DCX: variants seen among roughly 807,000 people sequenced by gnomAD.
DCX encodes doublecortin.
Under a neutral mutation model 20.9 loss-of-function variants are expected in DCX, and 4 were observed. The ratio of observed to expected loss-of-function variants is 0.19; its 90% CI spans 0.09 to 0.44. DCX has a LOEUF of 0.44. Among genes scored for constraint, DCX ranks in the 20% least tolerant of loss-of-function variants. The pLI, the probability that DCX is intolerant of heterozygous loss-of-function variation, is 0.99. For missense variants in DCX, 133 were observed against 296.9 expected (o/e 0.45, Z 4.06); for synonymous variants, 103 against 111.4 (o/e 0.92, Z 0.47).
At chrX:111,313,199 G>A (rs1484086345) in intron 5 of DCX, among the ~76,000 whole-genome samples, 1 of 110,693 alleles carries the variant, frequency 9.0e-6, no homozygotes, top group Non-Finnish European at 1.9e-5. Flanking sequence ...CAGATGATGG[G>A]GTAGGTGAAA....
chrX:111,396,050 T>C (rs1446875611), intron 3 of DCX, among the ~76,000 whole-genome samples: 1 of 112,735 alleles, frequency 8.9e-6, no homozygotes, highest in African/African-American at 3.2e-5. Context: ...GCAATTGCCT[T>C]TGTGCTTACA....
chrX:111,367,172 G>A (rs959147370), intron 3 of DCX, among the ~76,000 whole-genome samples: 12 of 111,724 alleles, frequency 1.1e-4, no homozygotes, highest in African/African-American at 3.9e-4. Context: ...TGTCTCTCTG[G>A]TTCTTTACTC....
At chrX:111,362,961 C>T (rs1340846825) in intron 3 of DCX, among the ~76,000 whole-genome samples, 1 of 112,121 alleles carries the variant, frequency 8.9e-6, no homozygotes, top group Admixed American at 9.5e-5. Flanking sequence ...CTCCTGTTCT[C>T]ATGTTGTTTA....
intron 6 of DCX, among the ~76,000 whole-genome samples, chrX:111,308,208 A>G (rs2095049826): frequency 8.9e-6 from 1 of 112,093 alleles, no homozygotes; most frequent in African/African-American, 3.2e-5. Context: ...ATTCCCTTGG[A>G]GCCCTACAGA....
At chrX:111,329,223 T>C (rs1053603700) in intron 5 of DCX, among the ~76,000 whole-genome samples, 3 of 112,259 alleles carry the variant, frequency 2.7e-5, no homozygotes, top group Non-Finnish European at 5.6e-5. Flanking sequence ...AGATATAGAT[T>C]TATGTGCTCT....
chrX:111,392,739 T>C (rs1321384998), intron 3 of DCX, among the ~76,000 whole-genome samples: 2 of 111,866 alleles, frequency 1.8e-5, no homozygotes, highest in African/African-American at 3.2e-5. Context: ...ATTAAAATCA[T>C]TGAACTGTAC....
intron 6 of DCX, among the ~76,000 whole-genome samples, chrX:111,310,936 T>G (rs2095056501): frequency 8.9e-6 from 1 of 112,287 alleles, no homozygotes; most frequent in Admixed American, 9.4e-5. Context: ...GTTGAAAAAC[T>G]GAATAACTTG....
intron 5 of DCX, among the ~76,000 whole-genome samples, chrX:111,326,118 C>G (rs190896203): frequency 9.0e-6 from 1 of 111,359 alleles, no homozygotes; most frequent in Middle Eastern, 4.2e-3. Context: ...AATTTGGGAA[C>G]GGAAAAGATC....
chrX:111,376,855 G>C (rs781715717), intron 3 of DCX, among the ~76,000 whole-genome samples: 4 of 112,040 alleles, frequency 3.6e-5, no homozygotes, highest in African/African-American at 1.3e-4. Flanking sequence ...TCATTATCAA[G>C]TGCATTGCAT....
chrX:111,339,234 T>A (rs892552437), intron 3 of DCX, among the ~76,000 whole-genome samples: 3 of 111,789 alleles, frequency 2.7e-5, no homozygotes, highest in Non-Finnish European at 5.6e-5. Context: ...ACTGCTATGG[T>A]TTCAATGTTT....
chrX:111,323,399 G>C (rs1427561654), intron 5 of DCX, among the ~76,000 whole-genome samples: 1 of 111,138 alleles, frequency 9.0e-6, no homozygotes, highest in Non-Finnish European at 1.9e-5. Flanking sequence ...ACATAGAAAA[G>C]AGTTCAATAA....
chrX:111,356,349 T>C (rs1326666440), intron 3 of DCX, among the ~76,000 whole-genome samples: 1 of 112,610 alleles, frequency 8.9e-6, no homozygotes, highest in African/African-American at 3.2e-5. Flanking sequence ...TGTCATTGAG[T>C]TCTTATTCAA....
chrX:111,293,940 C>G lies in DCX; in HGVS notation c.*7747G>C, dbSNP rs979160407. The G allele has an allele frequency of 1.8e-5, 2 of 112,534 alleles. No individual in the cohort carries two copies. Among genetic ancestry groups the G allele is most frequent in the African/African-American group, 6.5e-5 (2 of 30,869 alleles). The allele number at this position is 112,534 out of a possible 1,213,427, so 9.3% of individuals were successfully genotyped here. A position where few individuals can be genotyped will look rare whatever the true frequency, so the allele number is the denominator to read the frequency against. ...GAATGCTGCGAATCTTCAGCACTCACAGTTCACAGCACCTTACACACATGG... is the reference window on the plus strand; with the variant it reads ...GAATGCTGCGAATCTTCAGCACTCAGAGTTCACAGCACCTTACACACATGG... On this transcript the variant is annotated 3_prime_UTR_variant, in exon 7 of 7. Coordinates refer to ENST00000636035, the MANE Select transcript of DCX (RefSeq NM_001195553.2).
At chrX:111,383,680 T>C (rs935871100) in intron 3 of DCX, among the ~76,000 whole-genome samples, 2 of 111,823 alleles carry the variant, frequency 1.8e-5, no homozygotes, top group African/African-American at 6.5e-5. Flanking sequence ...GTTCTGTACC[T>C]TAGTTTATTC....
At chrX:111,411,231 CT>C (rs1388895106) in intron 1 of DCX, 95 of 349,363 alleles carry the variant, frequency 2.7e-4, no homozygotes, top group East Asian at 8.2e-4. Context: ...TCACAAAATC[CT>C]TTTTTTTCCC....
At chrX:111,372,912 T>C (rs766943463) in intron 3 of DCX, among the ~76,000 whole-genome samples, 1 of 111,370 alleles carries the variant, frequency 9.0e-6, no homozygotes, top group South Asian at 3.8e-4. Flanking sequence ...CTGCCAGGGT[T>C]ATTTTAATCA....
chrX:111,353,737 T>C (rs1477057351), intron 3 of DCX, among the ~76,000 whole-genome samples: 1 of 111,798 alleles, frequency 8.9e-6, no homozygotes, highest in Non-Finnish European at 1.9e-5. Flanking sequence ...GTGCTCATGA[T>C]AATTCAGCCA....
intron 3 of DCX, among the ~76,000 whole-genome samples, chrX:111,398,210 G>A (rs1927489022): frequency 9.1e-6 from 1 of 110,147 alleles, no homozygotes; most frequent in Non-Finnish European, 1.9e-5. Flanking sequence ...AAAGACCTAA[G>A]GATAATGTCT....
intron 6 of DCX, among the ~76,000 whole-genome samples, chrX:111,305,621 CTT>C (rs56219121): frequency 1.2e-4 from 11 of 94,732 alleles, no homozygotes; most frequent in Non-Finnish European, 1.5e-4. Context: ...TATATTTGAC[CTT>C]TTTTTTTTTT....
Sources: gnomAD v4.1 joint callset for allele counts (sites outside exome capture counted in the v4.1 genomes callset) on GRCh38, gnomAD v4.1.1 for gene constraint, MANE v1.5 for transcripts, NCBI Gene and HGNC (gene_info 2026-07-23, HGNC 2026-07-21) for gene names.